WDR93: variants seen among roughly 807,000 people sequenced by gnomAD.
The protein encoded by WDR93 is WD repeat-containing protein 93.
Under a neutral mutation model 82.9 loss-of-function variants are expected in WDR93, and 73 were observed. That is an observed-to-expected ratio of 0.88 (90% CI 0.73 to 1.07). The LOEUF is 1.07. Among genes scored for constraint, WDR93 ranks in the 50% least tolerant of loss-of-function variants. The pLI is 0.00. For missense variants in WDR93, 738 were observed against 826.0 expected (o/e 0.89, Z 1.31); for synonymous variants, 283 against 300.1 (o/e 0.94, Z 0.59).
At position 89,743,567 on chromosome 15, in the gene WDR93, C is replaced by A; in HGVS notation, c.*176C>A. Reference sequence around the variant, plus strand: ...AAGTATAATCTGGGGGACCTTCAACCACTAAGCCTCTTGTCAGAGCCCTCA... The same window carrying A: ...AAGTATAATCTGGGGGACCTTCAACAACTAAGCCTCTTGTCAGAGCCCTCA... On this transcript the variant is annotated 3_prime_UTR_variant, in exon 17 of 17. Transcript: ENST00000268130. The A allele has an allele frequency of 1.6e-6, 1 of 612,926 alleles. No individual in the cohort carries two copies. The highest frequency in any genetic ancestry group is 2.9e-6 in the Non-Finnish European group (1 of 349,306). 38.0% of individuals were successfully genotyped at this position (612,926 alleles called of 1,614,324 possible).
intron 4 of WDR93, among the ~76,000 whole-genome samples, chr15:89,711,525 C>A (rs377626066): frequency 1.5e-3 from 198 of 132,066 alleles, no homozygotes; most frequent in Non-Finnish European, 1.6e-3. Flanking sequence ...TAGCGAGTCT[C>A]AAAAAAAAAA....
At chr15:89,706,170 T>C (rs968348037) in intron 4 of WDR93, among the ~76,000 whole-genome samples, 6 of 152,252 alleles carry the variant, frequency 3.9e-5, no homozygotes, top group Non-Finnish European at 8.8e-5. Flanking sequence ...TTTGTTCATG[T>C]GACTGCTTCT....
At chr15:89,735,181 T>G (rs984612689) in intron 13 of WDR93, among the ~76,000 whole-genome samples, 1 of 152,100 alleles carries the variant, frequency 6.6e-6, no homozygotes, top group African/African-American at 2.4e-5. Context: ...CTCCAACTTG[T>G]TTTTCAATGG....
At chr15:89,699,040 T>C (rs1965325735) in intron 1 of WDR93, among the ~76,000 whole-genome samples, 1 of 152,072 alleles carries the variant, frequency 6.6e-6, no homozygotes, top group African/African-American at 2.4e-5. Flanking sequence ...AAAAATTTTT[T>C]TTATAGAATA....
chr15:89,735,047 G>A (rs1967051287), intron 13 of WDR93, among the ~76,000 whole-genome samples: 1 of 142,700 alleles, frequency 7.0e-6, no homozygotes, highest in Non-Finnish European at 1.5e-5. Flanking sequence ...CTTTCTTTCT[G>A]TTTTGTTTGG....
In WDR93 at chr15:89,698,485, T is replaced by G. The variant is rs541800739; in HGVS notation, c.-40-3222T>G. 1.4e-3 allele frequency among the ~76,000 whole-genome samples: 211 copies of G among 152,310 alleles called. 1 individual carries two copies. Among genetic ancestry groups the G allele is most frequent in the African/African-American group, 4.9e-3 (203 of 41,570 alleles). On this transcript the variant is annotated intron_variant, in intron 1 of 16. Transcript: ENST00000268130. Reference sequence around the variant, plus strand: ...TGCTATACATTGTTTGTCCCGTCTGTTCCTTGTTCCCTTTTTCCTCTTTTT... The same window carrying G: ...TGCTATACATTGTTTGTCCCGTCTGGTCCTTGTTCCCTTTTTCCTCTTTTT...
chr15:89,717,845 A>G (rs11630150), intron 7 of WDR93, among the ~76,000 whole-genome samples: 64,956 of 151,960 alleles, frequency 0.43, 14,415 homozygotes, highest in African/African-American at 0.49. Flanking sequence ...CAAGCCGAGT[A>G]ACTTGGGGGT....
At position 89,727,706 on chromosome 15, in the gene WDR93, A is replaced by G. The variant is rs1388057993; in HGVS notation, c.1052+378A>G. ...AAAGAAGAAATAGATATCTATGGAA[A>G]TGAGAAATATAATTTATTTCAGTTT... On this transcript the variant is annotated intron_variant, in intron 9 of 16. Transcript: ENST00000268130. Among the ~76,000 whole-genome samples, 3 of 152,250 alleles carry G rather than the reference A, an allele frequency of 2.0e-5. No homozygotes were observed. In the East Asian group the frequency reaches 5.8e-4, roughly 29 times the overall value.
intron 5 of WDR93, among the ~76,000 whole-genome samples, chr15:89,712,828 G>A (rs1966054545): frequency 6.6e-6 from 1 of 152,020 alleles, no homozygotes; most frequent in African/African-American, 2.4e-5. Context: ...GAAAATGATA[G>A]AAGTACCACC....
intron 15 of WDR93, 26 bp downstream of exon 15, chr15:89,737,755 C>T (rs1967323114): frequency 6.2e-7 from 1 of 1,613,070 alleles, no homozygotes; most frequent in Non-Finnish European, 8.5e-7. Context: ...AGGGCTGATG[C>T]CCACTGACCA....
chr15:89,711,599 T>G (rs1965981981), intron 4 of WDR93, among the ~76,000 whole-genome samples: 1 of 152,044 alleles, frequency 6.6e-6, no homozygotes, highest in Admixed American at 6.6e-5. Flanking sequence ...TTGAGCAGGT[T>G]TCATACTAAG....
chr15:89,694,801 T>G (rs1436658981), intron 1 of WDR93, among the ~76,000 whole-genome samples: 2 of 152,260 alleles, frequency 1.3e-5, no homozygotes, highest in African/African-American at 4.8e-5. Flanking sequence ...AGAAGTTTTA[T>G]AGTTTTCAGT....
intron 9 of WDR93, among the ~76,000 whole-genome samples, chr15:89,727,635 G>C (rs1185075819): frequency 6.6e-6 from 1 of 152,216 alleles, no homozygotes; most frequent in Non-Finnish European, 1.5e-5. Flanking sequence ...GTTGTGTGGA[G>C]ATTGTTACTA....
At position 89,729,689 on chromosome 15, in the gene WDR93, C is replaced by T. The variant is rs1333464383; in HGVS notation, c.1130C>T (p.Ala377Val). Residue 377 changes from alanine (A) to valine (V), a missense_variant, in exon 11 of 17, where the codon GCC becomes GTC. Transcript: ENST00000268130. ...TCCCCCGCCCCCCCACCAGGAATGG[C>T]CTGTGTCCTTGGTATACACTGGACC... is the stretch of plus-strand genomic sequence containing the variant. ...PPEVKGPSGM[A>V]CVLGIHWTRS... The T allele has an allele frequency of 1.9e-6, 3 of 1,611,700 alleles. No homozygotes were observed. The highest frequency in any genetic ancestry group is 2.5e-6 in the Non-Finnish European group (3 of 1,179,120).
chr15:89,705,364 AC>A (rs919106815), intron 3 of WDR93, 189 bp from the exon 4 acceptor site: 71 of 596,154 alleles, frequency 1.2e-4, no homozygotes, highest in Admixed American at 4.3e-4. Flanking sequence ...AAGGAAAACA[AC>A]CCGAACATTC....
chr15:89,736,793 CTTTT>C (rs536745344), intron 14 of WDR93, among the ~76,000 whole-genome samples: 3 of 130,530 alleles, frequency 2.3e-5, no homozygotes, highest in Admixed American at 7.7e-5. Context: ...TCAAAGGGGG[CTTTT>C]TTTTTTTTTT....
Position 89,701,757 on chromosome 15 carries a change from C to G in WDR93, c.11C>G (p.Pro4Arg), listed in dbSNP as rs1965475305. The G allele has an allele frequency of 6.2e-7, 1 of 1,609,302 alleles. No individual in the cohort carries two copies. The highest frequency in any genetic ancestry group is 8.5e-7 in the Non-Finnish European group (1 of 1,176,110). The change falls in exon 2 of 17, where the codon CCA becomes CGA. Residue 4 changes from proline (P) to arginine (R), a missense_variant. Physicochemically the swap from Pro to Arg is moderately radical, Grantham distance 103. Coordinates refer to ENST00000268130, the MANE Select transcript of WDR93 (RefSeq NM_020212.2). ...GTGCCACCTTCTGTGATGTCATTCC[C>G]AAGAGGAAGTCAGACCCAGAAAATA... MSF[P>R]RGSQTQKIKH...
intron 8 of WDR93, among the ~76,000 whole-genome samples, chr15:89,726,517 G>A (rs541907051): frequency 5.3e-5 from 8 of 152,316 alleles, no homozygotes; most frequent in Admixed American, 1.3e-4. Flanking sequence ...CTTGAGGGAC[G>A]CAGGTACCTT....
intron 13 of WDR93, among the ~76,000 whole-genome samples, chr15:89,734,280 T>C (rs1966985013): frequency 6.6e-6 from 1 of 152,228 alleles, no homozygotes; most frequent in Non-Finnish European, 1.5e-5. Flanking sequence ...TCAGTCCGTT[T>C]CTTCTACTGG....
Sources: gnomAD v4.1 joint callset for allele counts (sites outside exome capture counted in the v4.1 genomes callset) on GRCh38, gnomAD v4.1.1 for gene constraint, MANE v1.5 for transcripts, NCBI Gene and HGNC (gene_info 2026-07-23, HGNC 2026-07-21) for gene names.